The following GFRA1 variants were observed in gnomAD, a reference collection of about 807,000 sequenced individuals.
GFRA1 encodes GDNF family receptor alpha 1, also known as GDNF family receptor alpha-1.
In GFRA1, 16 loss-of-function variants were observed where a neutral mutation model predicts 51.6. The ratio of observed to expected loss-of-function variants is 0.31; its 90% CI spans 0.21 to 0.47. The LOEUF (loss-of-function observed/expected upper bound fraction) is 0.47, where lower values mean the gene tolerates loss of function less well. GFRA1 is among the 20% of genes least tolerant of loss of function. GFRA1 has a pLI of 1.00. For missense variants in GFRA1, 530 were observed against 594.3 expected (o/e 0.89, Z 1.13); for synonymous variants, 270 against 241.3 (o/e 1.12, Z -1.10).
At chr10:116,077,968 C>T (rs1358820878) in intron 9 of GFRA1, among the ~76,000 whole-genome samples, 2 of 152,152 alleles carry the variant, frequency 1.3e-5, no homozygotes, top group African/African-American at 4.8e-5. Flanking sequence ...TTAACGTCTC[C>T]CCATGAGTGA....
chr10:116,201,416 C>T (rs1252275615), intron 5 of GFRA1, among the ~76,000 whole-genome samples: 1 of 152,148 alleles, frequency 6.6e-6, no homozygotes, highest in East Asian at 1.9e-4. Flanking sequence ...CCAATCTCAA[C>T]CCAGAGTCTG....
At chr10:116,112,434 A>G (rs1226339216) in intron 6 of GFRA1, among the ~76,000 whole-genome samples, 1 of 152,174 alleles carries the variant, frequency 6.6e-6, no homozygotes, top group Non-Finnish European at 1.5e-5. Context: ...TACATATCAG[A>G]AAGAGCAGAG....
intron 5 of GFRA1, among the ~76,000 whole-genome samples, chr10:116,173,045 C>T (rs1301574112): frequency 6.6e-6 from 1 of 152,226 alleles, no homozygotes; most frequent in African/African-American, 2.4e-5. Context: ...CAGAAATTCT[C>T]CTCTCATAAC....
At chr10:116,070,407 G>A (rs984353770) in intron 9 of GFRA1, among the ~76,000 whole-genome samples, 1 of 152,118 alleles carries the variant, frequency 6.6e-6, no homozygotes, top group African/African-American at 2.4e-5. Flanking sequence ...GTATGAGTTC[G>A]TCCCAAAACA....
At chr10:116,185,140 C>T (rs1962584700) in intron 5 of GFRA1, among the ~76,000 whole-genome samples, 1 of 152,012 alleles carries the variant, frequency 6.6e-6, no homozygotes, top group East Asian at 1.9e-4. Flanking sequence ...TATGAGAATG[C>T]GTCGGCAAGG....
intron 5 of GFRA1, among the ~76,000 whole-genome samples, chr10:116,204,436 A>G (rs1964571273): frequency 6.6e-6 from 1 of 152,262 alleles, no homozygotes; most frequent in Admixed American, 6.5e-5. Flanking sequence ...CAATAAGCAC[A>G]CCTAACACCC....
chr10:116,243,385 T>C (rs930062273), intron 4 of GFRA1, among the ~76,000 whole-genome samples: 4 of 152,182 alleles, frequency 2.6e-5, no homozygotes, highest in Admixed American at 6.5e-5. Flanking sequence ...ATTTGAATCC[T>C]TTTATCTAAG....
intron 5 of GFRA1, among the ~76,000 whole-genome samples, chr10:116,144,240 A>T (rs1235974590): frequency 6.6e-6 from 1 of 152,218 alleles, no homozygotes; most frequent in Non-Finnish European, 1.5e-5. Context: ...AAAGCACAGG[A>T]TAACACAATA....
chr10:116,170,411 G>A (rs899512189), intron 5 of GFRA1, among the ~76,000 whole-genome samples: 1 of 152,172 alleles, frequency 6.6e-6, no homozygotes, highest in Non-Finnish European at 1.5e-5. Flanking sequence ...TAAAATGCCT[G>A]TAATATGACC....
At chr10:116,232,623 T>C (rs1727368090) in intron 4 of GFRA1, among the ~76,000 whole-genome samples, 1 of 152,140 alleles carries the variant, frequency 6.6e-6, no homozygotes, top group African/African-American at 2.4e-5. Context: ...TCGGCATAGA[T>C]AGAGAGAAAA....
Position 116,063,715 on chromosome 10 carries a change from ACT to A in GFRA1, c.*681_*682del, listed in dbSNP as rs953019012. ...TATTGAATCGGCACACTCATTCCCC[ACT>A]CTCTATTTTGACGAAAAGACAGATA... is the stretch of plus-strand genomic sequence containing the variant. On this transcript the variant is annotated 3_prime_UTR_variant, in exon 11 of 11. Coordinates refer to ENST00000355422, the MANE Select transcript of GFRA1 (RefSeq NM_005264.8). 2.0e-5 allele frequency: 3 copies of A among 152,286 alleles called. No individual in the cohort carries two copies. The highest frequency in any genetic ancestry group is 2.9e-5 in the Non-Finnish European group (2 of 68,210). 9.4% of individuals were successfully genotyped at this position (152,286 alleles called of 1,614,324 possible).
chr10:116,197,766 T>C (rs1485175455), intron 5 of GFRA1, among the ~76,000 whole-genome samples: 1 of 152,196 alleles, frequency 6.6e-6, no homozygotes, highest in African/African-American at 2.4e-5. Context: ...GTTGAGGTTA[T>C]ACTTTAGCCA....
chr10:116,110,724 T>C (rs986732826), intron 6 of GFRA1, among the ~76,000 whole-genome samples: 25 of 152,180 alleles, frequency 1.6e-4, no homozygotes, highest in Admixed American at 1.4e-3. Flanking sequence ...TCAATTACCA[T>C]GATCACTAAG....
At chr10:116,171,273 C>G (rs1960997885) in intron 5 of GFRA1, among the ~76,000 whole-genome samples, 1 of 152,190 alleles carries the variant, frequency 6.6e-6, no homozygotes, top group Non-Finnish European at 1.5e-5. Context: ...TACATGAGAT[C>G]AGGCTCAGAA....
intron 5 of GFRA1, among the ~76,000 whole-genome samples, chr10:116,160,443 G>A (rs1424729794): frequency 6.6e-6 from 1 of 152,202 alleles, no homozygotes; most frequent in Non-Finnish European, 1.5e-5. Context: ...CCTGAAGGCA[G>A]CAAACATCAC....
chr10:116,224,081 C>T (rs1335022854), intron 4 of GFRA1, among the ~76,000 whole-genome samples: 1 of 152,166 alleles, frequency 6.6e-6, no homozygotes, highest in Non-Finnish European at 1.5e-5. Context: ...AACCTCTCAG[C>T]CTCCAGAACT....
rs544467217 is a variant in GFRA1 at position 116,081,568 on chromosome 10, G to A, written c.1197+8173C>T. On this transcript the variant is annotated intron_variant, in intron 9 of 10. Transcript: ENST00000355422. ...TCCTGATCAAGTATCTGTGTGCCTC[G>A]GGTCTCTTGTCTGAAAAATGGGAAT... Among the ~76,000 whole-genome samples the A allele has an allele frequency of 7.2e-5, 11 of 152,186 alleles. No homozygotes were observed. The South Asian group carries it at 1.2e-3, about 17-fold the overall frequency.
intron 5 of GFRA1, among the ~76,000 whole-genome samples, chr10:116,205,596 G>GAGAGAGAGAGAT (rs1964679507): frequency 4.3e-5 from 6 of 140,610 alleles, no homozygotes; most frequent in African/African-American, 1.5e-4. Flanking sequence ...AAAAAAAAAA[G>GAGAGAGAGAGAT]ATATATATAT....
chr10:116,062,854 G>A lies in GFRA1; in HGVS notation c.*1544C>T, dbSNP rs1002718892. 6 of 152,224 alleles carry A rather than the reference G, an allele frequency of 3.9e-5. No individual in the cohort carries two copies. Among genetic ancestry groups the A allele is most frequent in the African/African-American group, 1.4e-4 (6 of 41,470 alleles). 9.4% of individuals were successfully genotyped at this position (152,224 alleles called of 1,614,324 possible). On this transcript the variant is annotated 3_prime_UTR_variant, in exon 11 of 11. Coordinates refer to ENST00000355422, the MANE Select transcript of GFRA1 (RefSeq NM_005264.8). ...AGATGATAAGTGGTTAGCAAAGCCAGATGCCTTATCACCAGGGTCCTGTTC... is the reference window on the plus strand; with the variant it reads ...AGATGATAAGTGGTTAGCAAAGCCAAATGCCTTATCACCAGGGTCCTGTTC...
Sources: gnomAD v4.1 joint callset for allele counts (sites outside exome capture counted in the v4.1 genomes callset) on GRCh38, gnomAD v4.1.1 for gene constraint, MANE v1.5 for transcripts, NCBI Gene and HGNC (gene_info 2026-07-23, HGNC 2026-07-21) for gene names.